CHODL: variants seen among roughly 807,000 people sequenced by gnomAD.
CHODL encodes the protein chondrolectin.
Under a neutral mutation model 34.5 loss-of-function variants are expected in CHODL, and 29 were observed. The observed-to-expected ratio is 0.84, with a 90% CI of 0.63 to 1.15. CHODL has a LOEUF of 1.15. Among genes scored for constraint, CHODL ranks in the 50% most tolerant of loss-of-function variants. The pLI, the probability that CHODL is intolerant of heterozygous loss-of-function variation, is 0.00. For synonymous variants in CHODL, 125 were observed against 116.1 expected (o/e 1.08, Z -0.49); for missense variants, 332 against 332.5 (o/e 1.00, Z 0.01).
chr21:18,059,762 C>T (rs928104584), intron 2 of CHODL, among the ~76,000 whole-genome samples: 31 of 152,128 alleles, frequency 2.0e-4, no homozygotes, highest in South Asian at 1.5e-3. Context: ...AAACCAAACA[C>T]GGCATGTTCT....
chr21:18,174,888 A>G (rs547797819), intron 2 of CHODL, among the ~76,000 whole-genome samples: 3 of 152,324 alleles, frequency 2.0e-5, no homozygotes, highest in African/African-American at 7.2e-5. Flanking sequence ...CTTAGAGTAA[A>G]TCATTGTGGT....
intron 2 of CHODL, among the ~76,000 whole-genome samples, chr21:18,064,153 A>G (rs1214285567): frequency 1.3e-5 from 2 of 152,108 alleles, no homozygotes; most frequent in East Asian, 3.9e-4. Flanking sequence ...AAATTGTGTC[A>G]TATCCATAAG....
chr21:17,918,986 C>G (rs1751096408), intron 1 of CHODL, among the ~76,000 whole-genome samples: 1 of 152,380 alleles, frequency 6.6e-6, no homozygotes, highest in East Asian at 1.9e-4. Context: ...TCTCCTTTAA[C>G]TCCATGCCTC....
At chr21:18,054,735 G>C (rs1281957638) in intron 2 of CHODL, among the ~76,000 whole-genome samples, 1 of 151,758 alleles carries the variant, frequency 6.6e-6, no homozygotes, top group Non-Finnish European at 1.5e-5. Flanking sequence ...TGAGATGCTG[G>C]ATATATTAAT....
intron 2 of CHODL, among the ~76,000 whole-genome samples, chr21:18,155,682 T>G (rs2073025752): frequency 6.6e-6 from 1 of 152,158 alleles, no homozygotes; most frequent in Non-Finnish European, 1.5e-5. Context: ...ATATAACACT[T>G]TAGTCAGGAA....
intron 1 of CHODL, among the ~76,000 whole-genome samples, chr21:17,941,382 A>G (rs1007417815): frequency 1.4e-5 from 2 of 143,740 alleles, no homozygotes; most frequent in African/African-American, 5.2e-5. Flanking sequence ...TCCACTCTGT[A>G]TAACCCCCAA....
At chr21:18,133,011 C>G (rs2072675799) in intron 2 of CHODL, among the ~76,000 whole-genome samples, 1 of 152,018 alleles carries the variant, frequency 6.6e-6, no homozygotes, top group African/African-American at 2.4e-5. Flanking sequence ...TTCTGTAATT[C>G]ATTACTTTGT....
intron 1 of CHODL, among the ~76,000 whole-genome samples, chr21:17,946,675 T>G (rs1015013191): frequency 6.6e-6 from 1 of 152,214 alleles, no homozygotes; most frequent in African/African-American, 2.4e-5. Context: ...TCTTTGTTTC[T>G]TTTAATGGTG....
intron 2 of CHODL, among the ~76,000 whole-genome samples, chr21:18,108,638 G>A (rs2065305187): frequency 6.6e-6 from 1 of 152,138 alleles, no homozygotes; most frequent in African/African-American, 2.4e-5. Context: ...GCCTTGTCAA[G>A]TGGTATACAT....
At chr21:17,937,825 A>T (rs551337992) in intron 1 of CHODL, among the ~76,000 whole-genome samples, 3 of 152,140 alleles carry the variant, frequency 2.0e-5, no homozygotes, top group Non-Finnish European at 4.4e-5. Context: ...CATTTAATTC[A>T]TCTGTCAGTT....
intron 2 of CHODL, among the ~76,000 whole-genome samples, chr21:18,142,257 A>T (rs1478045022): frequency 2.0e-5 from 3 of 152,138 alleles, no homozygotes; most frequent in Non-Finnish European, 4.4e-5. Flanking sequence ...CAGCTCATTC[A>T]TGAGAAAAAT....
At chr21:18,208,948 G>A (rs936588085) in intron 2 of CHODL, among the ~76,000 whole-genome samples, 13 of 127,902 alleles carry the variant, frequency 1.0e-4, no homozygotes, top group East Asian at 5.8e-4. Context: ...CTCCACCACC[G>A]GAACTGTGCT....
At chr21:18,099,180 C>A (rs138710556) in intron 2 of CHODL, among the ~76,000 whole-genome samples, 2 of 151,666 alleles carry the variant, frequency 1.3e-5, no homozygotes, top group African/African-American at 4.8e-5. Flanking sequence ...ACAGCACAAC[C>A]GGGAGACTAT....
At chr21:17,929,510 A>G (rs1181471836) in intron 1 of CHODL, among the ~76,000 whole-genome samples, 1 of 152,222 alleles carries the variant, frequency 6.6e-6, no homozygotes, top group Non-Finnish European at 1.5e-5. Flanking sequence ...CAGAGAAGTG[A>G]TGGGAATTAT....
At chr21:18,008,172 A>G (rs1026783589) in intron 1 of CHODL, among the ~76,000 whole-genome samples, 7 of 152,060 alleles carry the variant, frequency 4.6e-5, no homozygotes, top group Non-Finnish European at 8.8e-5. Context: ...GCTTTATTGA[A>G]GTATATACTT....
chr21:17,966,972 G>A (rs900152081), intron 1 of CHODL, among the ~76,000 whole-genome samples: 15 of 150,962 alleles, frequency 9.9e-5, no homozygotes, highest in East Asian at 9.8e-4. Context: ...TGCAACCTCC[G>A]CATCCGGGTT....
rs940610011 is a variant in CHODL at position 18,245,206 on chromosome 21, T to C, written c.-18T>C. On this transcript the variant is annotated 5_prime_UTR_variant, in exon 1 of 6. Transcript: ENST00000299295. Reference sequence around the variant, plus strand: ...CGCCCTCGCTCCACGCAACACCTGCTGCTGCCACCGCGCCGCGATGAGCCG... The same window carrying C: ...CGCCCTCGCTCCACGCAACACCTGCCGCTGCCACCGCGCCGCGATGAGCCG... 1 of 1,480,698 alleles carries C rather than the reference T, an allele frequency of 6.8e-7. No individual in the cohort carries two copies. The highest frequency in any genetic ancestry group is 9.0e-7 in the Non-Finnish European group (1 of 1,116,520). The allele number at this position is 1,480,698 out of a possible 1,614,324, so 91.7% of individuals were successfully genotyped here.
At chr21:17,927,142 GTATATATGTA>G (rs1056706633) in intron 1 of CHODL, among the ~76,000 whole-genome samples, 2 of 93,460 alleles carry the variant, frequency 2.1e-5, no homozygotes, top group African/African-American at 4.1e-5. Context: ...ATGTATATAT[GTATATATGTA>G]TATATATGTA....
At chr21:18,248,899 C>CATATATATGTATAATACATAT (rs2074191340) in intron 1 of CHODL, among the ~76,000 whole-genome samples, 1 of 113,060 alleles carries the variant, frequency 8.8e-6, no homozygotes, top group African/African-American at 3.7e-5. Flanking sequence ...TAATATAATA[C>CATATATATGTATAATACATAT]ATATATATGT....
Sources: gnomAD v4.1 joint callset for allele counts (sites outside exome capture counted in the v4.1 genomes callset) on GRCh38, gnomAD v4.1.1 for gene constraint, MANE v1.5 for transcripts, NCBI Gene and HGNC (gene_info 2026-07-23, HGNC 2026-07-21) for gene names.